NOTCH2: variants seen among roughly 807,000 people sequenced by gnomAD.
NOTCH2 encodes notch receptor 2.
Under a neutral mutation model 235.8 loss-of-function variants are expected in NOTCH2, and 29 were observed. The ratio of observed to expected loss-of-function variants is 0.12; its 90% CI spans 0.09 to 0.17. The LOEUF is 0.17. Ranked by LOEUF, NOTCH2 falls within the 10% of genes least tolerant of loss-of-function variation. The pLI is 1.00. For synonymous variants in NOTCH2, 1,086 were observed against 1,141.5 expected (o/e 0.95, Z 0.98); for missense variants, 2,285 against 3,150.2 (o/e 0.73, Z 6.57).
intron 23 of NOTCH2, among the ~76,000 whole-genome samples, chr1:119,926,948 C>CA (rs1236209280): frequency 2.0e-5 from 3 of 152,042 alleles, no homozygotes; most frequent in South Asian, 2.1e-4. Context: ...TCATAAGTTG[C>CA]AAAAAAACAG....
At chr1:119,942,048 C>T (rs1372292047) in intron 17 of NOTCH2, among the ~76,000 whole-genome samples, 2 of 152,144 alleles carry the variant, frequency 1.3e-5, no homozygotes, top group East Asian at 3.8e-4. Context: ...CAAATATGTG[C>T]CCCAATACAC....
intron 17 of NOTCH2, among the ~76,000 whole-genome samples, chr1:119,943,906 C>T (rs1197562613): frequency 2.6e-5 from 4 of 151,966 alleles, no homozygotes; most frequent in African/African-American, 9.7e-5. Context: ...TAAACTTCCA[C>T]ATATAAAAAC....
intron 33 of NOTCH2, among the ~76,000 whole-genome samples, chr1:119,917,064 T>A (rs1649107388): frequency 6.6e-6 from 1 of 151,856 alleles, no homozygotes. Context: ...AAGGTAGGAA[T>A]AGGAGTTAGA....
At position 119,913,521 on chromosome 1, in the gene NOTCH2, A is replaced by G. The variant is rs1285464837; in HGVS notation, c.*1785T>C. ...GGTGTCATGGGCATCACAGCACTGGACGGAAGTTGCAGTGTAGCCATGGAC... is the reference window on the plus strand; with the variant it reads ...GGTGTCATGGGCATCACAGCACTGGGCGGAAGTTGCAGTGTAGCCATGGAC... On this transcript the variant is annotated 3_prime_UTR_variant, in exon 34 of 34. Transcript: ENST00000256646. The G allele has an allele frequency of 2.1e-5, 5 of 233,172 alleles. No homozygotes were observed. Among genetic ancestry groups the G allele is most frequent in the African/African-American group, 1.1e-4 (5 of 45,356 alleles). 14.4% of individuals were successfully genotyped at this position (233,172 alleles called of 1,614,324 possible). A position where few individuals can be genotyped will look rare whatever the true frequency, so the allele number is the denominator to read the frequency against.
At chr1:120,017,281 A>G (rs1452310518) in intron 2 of NOTCH2, among the ~76,000 whole-genome samples, 1 of 145,950 alleles carries the variant, frequency 6.9e-6, no homozygotes, top group Admixed American at 6.9e-5. Flanking sequence ...GTCAGCCCAA[A>G]ATGCTTTTCC....
intron 22 of NOTCH2, among the ~76,000 whole-genome samples, chr1:119,931,331 C>G (rs1031461273): frequency 6.6e-6 from 1 of 151,874 alleles, no homozygotes; most frequent in Non-Finnish European, 1.5e-5. Context: ...CTAACAGACA[C>G]AAAAGAGACT....
chr1:119,967,964 A>T, intron 7 of NOTCH2, 113 bp downstream of exon 7: 1 of 1,169,252 alleles, frequency 8.6e-7, no homozygotes, highest in Non-Finnish European at 1.3e-6. Flanking sequence ...TAGCAAGAGT[A>T]ATCTGAGGTT....
At chr1:120,017,988 AAAG>A (rs1189862353) in intron 2 of NOTCH2, among the ~76,000 whole-genome samples, 1 of 151,742 alleles carries the variant, frequency 6.6e-6, no homozygotes, top group Non-Finnish European at 1.5e-5. Flanking sequence ...ATTGAAAATT[AAAG>A]AAGATCTCTA....
chr1:119,937,256 G>A (rs781868058), intron 21 of NOTCH2, 26 bp downstream of exon 21: 1 of 1,611,076 alleles, frequency 6.2e-7, no homozygotes, highest in African/African-American at 1.3e-5. Flanking sequence ...GGAGGTCCAT[G>A]ACCTCTGCTT....
At chr1:119,999,976 A>AAAGAAAGGAAGGAAGG (rs1270244149) in intron 3 of NOTCH2, among the ~76,000 whole-genome samples, 59 of 56,574 alleles carry the variant, frequency 1.0e-3, no homozygotes, top group Middle Eastern at 7.7e-3. Flanking sequence ...AGAAAGAAAG[A>AAAGAAAGGAAGGAAGG]AAGGAAGGAA....
At chr1:120,042,656 C>T (rs1442270904) in intron 1 of NOTCH2, among the ~76,000 whole-genome samples, 2 of 142,886 alleles carry the variant, frequency 1.4e-5, no homozygotes, top group Non-Finnish European at 3.0e-5. Flanking sequence ...TCTCCTCCTC[C>T]CCACTAAAGC....
chr1:119,934,829 C>T (rs1649789618), intron 22 of NOTCH2, among the ~76,000 whole-genome samples: 1 of 152,190 alleles, frequency 6.6e-6, no homozygotes, highest in Non-Finnish European at 1.5e-5. Context: ...ATACTCAAAG[C>T]TCTTTCCAAG....
In NOTCH2 at chr1:119,925,525, C is replaced by T. The variant is rs2101162286; in HGVS notation, c.4291G>A (p.Ala1431Thr). The change falls in exon 25 of 34, where the codon GCC becomes ACC. Residue 1431 changes from alanine (A) to threonine (T), a missense_variant. Coordinates refer to ENST00000256646, the MANE Select transcript of NOTCH2 (RefSeq NM_024408.4). The stretch of plus-strand genomic sequence containing the variant: ...CAGACGCCATCCCGAGCTTTGTCGG[C>T]ACAATACTGGCTCAGACAGGTGGCA... ...PPATCLSQYCADKARDGVCDE... is the reference protein window; with the variant it reads ...PPATCLSQYCTDKARDGVCDE... 1.2e-6 allele frequency: 2 copies of T among 1,614,160 alleles called. No homozygotes were observed. The highest frequency in any genetic ancestry group is 1.7e-6 in the Non-Finnish European group (2 of 1,180,040).
intron 16 of NOTCH2, 35 bp downstream of exon 16, chr1:119,948,972 G>C (rs977851111): frequency 6.2e-7 from 1 of 1,613,762 alleles, no homozygotes; most frequent in South Asian, 1.1e-5. Context: ...AAGTCAGAAT[G>C]CATGTTCTTG....
chr1:120,055,689 T>C (rs1457708668), intron 1 of NOTCH2, among the ~76,000 whole-genome samples: 19 of 151,298 alleles, frequency 1.3e-4, no homozygotes, highest in Non-Finnish European at 5.9e-5. Flanking sequence ...AAATAAAATT[T>C]GGAATTTTTT....
rs2101161971 is a variant in NOTCH2, at chr1:119,925,442, G to A, written c.4374C>T (p.Thr1458=). ...CQWDGGDCSL[T]MENPWANCSS... ...AGCAGTTGGCCCAGGGGTTCTCCAT[G>A]GTGAGAGAACAGTCACCCCCATCCC... Residue 1458 remains threonine (T), a synonymous_variant, in exon 25 of 34, where the codon ACC becomes ACT. Coordinates refer to ENST00000256646, the MANE Select transcript of NOTCH2 (RefSeq NM_024408.4). 1 of 1,614,172 alleles carries A rather than the reference G, an allele frequency of 6.2e-7. No homozygotes were observed. Among genetic ancestry groups the A allele is most frequent in the Non-Finnish European group, 8.5e-7 (1 of 1,180,034 alleles).
At chr1:119,964,780 C>A (rs1320032971) in intron 10 of NOTCH2, among the ~76,000 whole-genome samples, 1 of 152,158 alleles carries the variant, frequency 6.6e-6, no homozygotes, top group Non-Finnish European at 1.5e-5. Flanking sequence ...TAATTTCTAG[C>A]CTTTCTGTAT....
intron 1 of NOTCH2, among the ~76,000 whole-genome samples, chr1:120,066,293 T>C (rs1362150966): frequency 3.3e-5 from 5 of 150,098 alleles, no homozygotes; most frequent in Non-Finnish European, 4.5e-5. Context: ...AAAAATGTAC[T>C]TAATCAGTGG....
rs1651105376 is a variant in NOTCH2, at chr1:119,965,584, G to GT, written c.1568-19dup. On this transcript the variant is annotated intron_variant, in intron 9 of 33. Coordinates refer to ENST00000256646, the MANE Select transcript of NOTCH2 (RefSeq NM_024408.4). ...AGTGAAACCTCAAAAAGGGACAGTG[G>GT]TAACATGAGTCAAAGGATTATCTTG... 1 of 1,484,404 alleles carries GT rather than the reference G, an allele frequency of 6.7e-7. No individual in the cohort carries two copies. 92.0% of individuals were successfully genotyped at this position (1,484,404 alleles called of 1,614,324 possible). A position where few individuals can be genotyped will look rare whatever the true frequency, so the allele number is the denominator to read the frequency against.
Sources: allele counts gnomAD v4.1 joint callset (sites outside exome capture counted in the v4.1 genomes callset), GRCh38; gene constraint gnomAD v4.1.1; transcripts MANE v1.5; gene names NCBI Gene and HGNC (gene_info 2026-07-23, HGNC 2026-07-21).